ATF6: variants seen among roughly 807,000 people sequenced by gnomAD.
ATF6 encodes the protein activating transcription factor 6, also known as cyclic AMP-dependent transcription factor ATF-6 alpha.
In ATF6, 53 loss-of-function variants were observed where a neutral mutation model predicts 83.6. That is an observed-to-expected ratio of 0.63 (90% CI 0.51 to 0.80). The LOEUF (loss-of-function observed/expected upper bound fraction) is 0.80, where lower values mean the gene tolerates loss of function less well. ATF6 is among the 30% of genes least tolerant of loss of function. The probability of loss-of-function intolerance (pLI) is 0.00; values close to 1 mark genes in which losing one functional copy is unlikely to be tolerated. For missense variants in ATF6, 744 were observed against 797.9 expected (o/e 0.93, Z 0.81); for synonymous variants, 288 against 285.8 (o/e 1.01, Z -0.08).
chr1:161,909,887 C>T (rs758605810), intron 14 of ATF6, among the ~76,000 whole-genome samples: 2 of 152,090 alleles, frequency 1.3e-5, no homozygotes, highest in Admixed American at 6.5e-5. Flanking sequence ...ACCCGGGAGG[C>T]GGAGCTTGCA....
At chr1:161,925,642 G>A (rs942858878) in intron 15 of ATF6, among the ~76,000 whole-genome samples, 3 of 152,194 alleles carry the variant, frequency 2.0e-5, no homozygotes, top group Non-Finnish European at 2.9e-5. Flanking sequence ...TTAAGGTTAG[G>A]ACCTTATTTA....
chr1:161,946,279 G>T (rs1186654433), intron 15 of ATF6, among the ~76,000 whole-genome samples: 1 of 152,156 alleles, frequency 6.6e-6, no homozygotes, highest in African/African-American at 2.4e-5. Context: ...GCAGGCGTCA[G>T]CCACTACACC....
At chr1:161,819,976 C>T (rs531878984) in intron 8 of ATF6, among the ~76,000 whole-genome samples, 158 bp downstream of exon 8, 1 of 152,180 alleles carries the variant, frequency 6.6e-6, no homozygotes, top group South Asian at 2.1e-4. Context: ...AAGGATAAAG[C>T]ATTTGAAGGG....
chr1:161,822,221 AC>A (rs1685780973), intron 9 of ATF6, among the ~76,000 whole-genome samples: 1 of 151,788 alleles, frequency 6.6e-6, no homozygotes, highest in South Asian at 2.1e-4. Flanking sequence ...TCCAAGGAGA[AC>A]AAGTAGAGGA....
At chr1:161,897,688 C>T (rs1274326160) in intron 14 of ATF6, among the ~76,000 whole-genome samples, 4 of 152,044 alleles carry the variant, frequency 2.6e-5, no homozygotes, top group Admixed American at 2.6e-4. Flanking sequence ...GTAGCTAGTC[C>T]TAACTGAGAT....
intron 7 of ATF6, among the ~76,000 whole-genome samples, chr1:161,812,977 A>G (rs1685512338): frequency 6.6e-6 from 1 of 152,092 alleles, no homozygotes; most frequent in Non-Finnish European, 1.5e-5. Flanking sequence ...CTCCTAATCC[A>G]GTGGTGTCAT....
At chr1:161,911,182 A>G (rs1465894074) in intron 14 of ATF6, among the ~76,000 whole-genome samples, 1 of 152,222 alleles carries the variant, frequency 6.6e-6, no homozygotes, top group Non-Finnish European at 1.5e-5. Flanking sequence ...TGGTGAAACA[A>G]TGAACACAGG....
intron 1 of ATF6, among the ~76,000 whole-genome samples, chr1:161,776,260 A>C (rs1454153609): frequency 6.6e-6 from 1 of 152,172 alleles, no homozygotes; most frequent in Non-Finnish European, 1.5e-5. Context: ...CTAACCACTC[A>C]GCCTGCGTTT....
chr1:161,912,399 G>A lies in ATF6; in HGVS notation c.1804+19G>A, dbSNP rs72708088. The A allele has an allele frequency of 0.021, 32,915 of 1,530,974 alleles. 438 individuals carry two copies. The highest frequency in any genetic ancestry group is 0.025 in the Non-Finnish European group (27,476 of 1,112,884). The allele number at this position is 1,530,974 out of a possible 1,614,324, so 94.8% of individuals were successfully genotyped here. Reference sequence around the variant, plus strand: ...ATAAATGGTAAGTTGAAATTCTGATGTATGAACAATATGAGATTTCTTTGT... The same window carrying A: ...ATAAATGGTAAGTTGAAATTCTGATATATGAACAATATGAGATTTCTTTGT... On this transcript the variant is annotated intron_variant, in intron 15 of 15. Transcript: ENST00000367942.
chr1:161,853,313 G>A lies in ATF6; in HGVS notation c.1523G>A (p.Arg508His), dbSNP rs374129058. The change falls in exon 12 of 16, where the codon CGT becomes CAT. Residue 508 changes from arginine to histidine, a missense_variant. By Grantham distance (29) the Arg-to-His change is conservative (BLOSUM62 0). Coordinates refer to ENST00000367942, the MANE Select transcript of ATF6 (RefSeq NM_007348.4). ...ATGACAAATAATCAACAGAAAACCC[G>A]TATTCTTCAGGTATGTTTCTGTTTG... ...RRMTNNQQKT[R>H]ILQGALEQGS... 2.7e-5 allele frequency: 44 copies of A among 1,610,766 alleles called. No individual in the cohort carries two copies. The highest frequency in any genetic ancestry group is 9.4e-5 in the African/African-American group (7 of 74,816).
At chr1:161,805,567 C>T (rs1043593039) in intron 7 of ATF6, among the ~76,000 whole-genome samples, 1 of 152,062 alleles carries the variant, frequency 6.6e-6, no homozygotes, top group East Asian at 1.9e-4. Flanking sequence ...CCAACCCACT[C>T]AGGAACCCAA....
intron 15 of ATF6, among the ~76,000 whole-genome samples, chr1:161,944,472 T>C (rs1387192746): frequency 6.6e-6 from 1 of 152,202 alleles, no homozygotes; most frequent in Admixed American, 6.5e-5. Context: ...TCTTTGTAAT[T>C]TGTTCAGTTC....
At chr1:161,781,249 G>C (rs1684630095) in intron 2 of ATF6, among the ~76,000 whole-genome samples, 1 of 152,058 alleles carries the variant, frequency 6.6e-6, no homozygotes, top group African/African-American at 2.4e-5. Flanking sequence ...CTTAATGCAG[G>C]CTTTAAGAAG....
At chr1:161,876,883 A>G (rs773422382) in intron 14 of ATF6, among the ~76,000 whole-genome samples, 2 of 152,064 alleles carry the variant, frequency 1.3e-5, no homozygotes, top group Non-Finnish European at 2.9e-5. Flanking sequence ...TAAGCCAGCA[A>G]TTCATTCTTA....
chr1:161,770,334 C>T (rs1351973675), intron 1 of ATF6, among the ~76,000 whole-genome samples: 1 of 152,104 alleles, frequency 6.6e-6, no homozygotes, highest in Non-Finnish European at 1.5e-5. Context: ...TGTTCTATAG[C>T]CTATTAGTCT....
chr1:161,901,654 C>T (rs1056430289), intron 14 of ATF6, among the ~76,000 whole-genome samples: 1 of 152,072 alleles, frequency 6.6e-6, no homozygotes, highest in Non-Finnish European at 1.5e-5. Context: ...AATCTACCCT[C>T]ATGCAGGTAA....
At chr1:161,781,358 G>A (rs907792475) in intron 2 of ATF6, among the ~76,000 whole-genome samples, 3 of 151,766 alleles carry the variant, frequency 2.0e-5, no homozygotes, top group African/African-American at 7.3e-5. Flanking sequence ...AAGAAGTATA[G>A]AACTGTAGAA....
chr1:161,821,231 G>T, intron 9 of ATF6, 70 bp downstream of exon 9: 1 of 1,071,316 alleles, frequency 9.3e-7, no homozygotes. Flanking sequence ...TTTAGCTTTT[G>T]TCATAAACTA....
chr1:161,877,897 T>A (rs569449731), intron 14 of ATF6, among the ~76,000 whole-genome samples: 97 of 152,252 alleles, frequency 6.4e-4, no homozygotes, highest in African/African-American at 2.3e-3. Context: ...CTTGAATTAC[T>A]AGGTAGAAAG....
Sources: gnomAD v4.1 joint callset for allele counts (sites outside exome capture counted in the v4.1 genomes callset) on GRCh38, gnomAD v4.1.1 for gene constraint, MANE v1.5 for transcripts, NCBI Gene and HGNC (gene_info 2026-07-23, HGNC 2026-07-21) for gene names.